BNC2: variants seen among roughly 807,000 people sequenced by gnomAD.
BNC2 encodes the protein zinc finger protein basonuclin-2.
A neutral mutation model predicts 76.3 loss-of-function variants in BNC2; 20 were observed. That is an observed-to-expected ratio of 0.26 (90% confidence interval 0.18 to 0.38). The LOEUF (loss-of-function observed/expected upper bound fraction) is 0.38, where lower values mean the gene tolerates loss of function less well. Among genes scored for constraint, BNC2 ranks in the 10% least tolerant of loss-of-function variants. The probability of loss-of-function intolerance (pLI) is 1.00; values close to 1 mark genes in which losing one functional copy is unlikely to be tolerated. For missense variants in BNC2, 1,382 were observed against 1,399.8 expected (o/e 0.99, Z 0.20); for synonymous variants, 582 against 514.8 (o/e 1.13, Z -1.77).
intron 5 of BNC2, among the ~76,000 whole-genome samples, chr9:16,535,840 T>C (rs1014358475): frequency 6.6e-6 from 1 of 152,146 alleles, no homozygotes; most frequent in African/African-American, 2.4e-5. Context: ...ACTTTAGAAG[T>C]GCCTGCACAC....
At chr9:16,543,051 G>C (rs938842502) in intron 5 of BNC2, among the ~76,000 whole-genome samples, 15 of 152,072 alleles carry the variant, frequency 9.9e-5, no homozygotes, top group Admixed American at 9.2e-4. Flanking sequence ...TCAAATTGGG[G>C]GAAATACTAG....
intron 5 of BNC2, among the ~76,000 whole-genome samples, chr9:16,469,307 G>A (rs188651943): frequency 5.9e-5 from 9 of 152,284 alleles, no homozygotes; most frequent in South Asian, 2.1e-4. Context: ...GGAAGGACCC[G>A]GGGGAGGTAA....
chr9:16,510,523 T>C (rs1170530663), intron 5 of BNC2, among the ~76,000 whole-genome samples: 5 of 152,348 alleles, frequency 3.3e-5, no homozygotes. Context: ...TCAGGGAAAT[T>C]CACCAAGTCC....
At chr9:16,594,545 G>A (rs993100157) in intron 3 of BNC2, among the ~76,000 whole-genome samples, 13 of 152,116 alleles carry the variant, frequency 8.5e-5, no homozygotes, top group African/African-American at 2.7e-4. Flanking sequence ...ATTTACCCCA[G>A]TAAAGCAACA....
intron 4 of BNC2, chr9:16,575,406 T>C (rs780340973): frequency 4.1e-6 from 4 of 985,104 alleles, no homozygotes; most frequent in Non-Finnish European, 4.8e-6. Context: ...GAATAAAACA[T>C]AGCTAGGAAA....
chr9:16,494,568 T>A (rs1017752276), intron 5 of BNC2, among the ~76,000 whole-genome samples: 1 of 151,870 alleles, frequency 6.6e-6, no homozygotes, highest in African/African-American at 2.4e-5. Context: ...TTGAGATGAG[T>A]TCTGAGTCAA....
chr9:16,578,240 T>G (rs1275158121), intron 4 of BNC2, among the ~76,000 whole-genome samples: 2 of 152,230 alleles, frequency 1.3e-5, no homozygotes, highest in African/African-American at 4.8e-5. Flanking sequence ...TCATTAAATA[T>G]TTCCTAAAAC....
chr9:16,419,395 G>T lies in BNC2; in HGVS notation c.2894C>A (p.Thr965Asn), dbSNP rs373606750. The T allele has an allele frequency of 1.2e-6, 2 of 1,601,714 alleles. No homozygotes were observed. The highest frequency in any genetic ancestry group is 1.3e-5 in the African/African-American group (1 of 74,676). Residue 965 changes from threonine (T) to asparagine (N), a missense_variant, in exon 7 of 7, where the codon ACC becomes AAC. Transcript: ENST00000380672. The part of the protein sequence containing the change: ...EDYMVLDLST[T>N]SSLQSSSSIH... Reference sequence around the variant, plus strand: ...ACTGCTGCTGGACTGGAGGCTGGAGGTGGTGCTCAAGTCAAGGACCATGTA... The same window carrying T: ...ACTGCTGCTGGACTGGAGGCTGGAGTTGGTGCTCAAGTCAAGGACCATGTA...
intron 4 of BNC2, among the ~76,000 whole-genome samples, chr9:16,571,628 G>T (rs781410337): frequency 1.7e-4 from 26 of 151,456 alleles, no homozygotes; most frequent in Non-Finnish European, 3.8e-4. Context: ...TTTCTTTGAG[G>T]CAATTGCGCA....
At chr9:16,561,318 C>T (rs1178140765) in intron 4 of BNC2, among the ~76,000 whole-genome samples, 1 of 151,896 alleles carries the variant, frequency 6.6e-6, no homozygotes, top group Non-Finnish European at 1.5e-5. Flanking sequence ...TCACATACCA[C>T]ACTGAAAATT....
chr9:16,797,414 T>A (rs547159817), intron 1 of BNC2, among the ~76,000 whole-genome samples: 4 of 152,254 alleles, frequency 2.6e-5, no homozygotes, highest in South Asian at 2.1e-4. Context: ...CCCCTCCCAA[T>A]CCATGGCAAA....
chr9:16,487,135 C>G (rs1398033927), intron 5 of BNC2, among the ~76,000 whole-genome samples: 32 of 152,156 alleles, frequency 2.1e-4, no homozygotes, highest in Admixed American at 2.1e-3. Context: ...TGCCTAAAGG[C>G]AAGACAGTAA....
chr9:16,690,410 G>A (rs1823122333), intron 3 of BNC2, among the ~76,000 whole-genome samples: 1 of 152,150 alleles, frequency 6.6e-6, no homozygotes, highest in Admixed American at 6.5e-5. Flanking sequence ...GGAGCCGTGA[G>A]TGTGCCACTG....
At chr9:16,463,488 G>C (rs1821633349) in intron 5 of BNC2, among the ~76,000 whole-genome samples, 1 of 143,014 alleles carries the variant, frequency 7.0e-6, no homozygotes, top group Non-Finnish European at 1.5e-5. Context: ...AGTAGAGACG[G>C]GGTTTCACCG....
At chr9:16,832,229 C>A in intron 1 of BNC2, 1 of 1,209,862 alleles carries the variant, frequency 8.3e-7, no homozygotes, top group South Asian at 1.3e-5. Flanking sequence ...GAAACTATTA[C>A]ATGTAGTTAA....
chr9:16,784,291 T>G (rs1826224190), intron 1 of BNC2, among the ~76,000 whole-genome samples: 2 of 152,182 alleles, frequency 1.3e-5, no homozygotes, highest in South Asian at 4.1e-4. Flanking sequence ...GTCTTTGCAG[T>G]AGTCTGGTGC....
chr9:16,424,248 T>C (rs1319507605), intron 6 of BNC2, among the ~76,000 whole-genome samples: 1 of 149,720 alleles, frequency 6.7e-6, no homozygotes, highest in Non-Finnish European at 1.5e-5. Context: ...CTTTAAGATA[T>C]CGGGGAGACA....
intron 1 of BNC2, among the ~76,000 whole-genome samples, chr9:16,786,529 C>A (rs1312259657): frequency 2.0e-5 from 3 of 152,160 alleles, no homozygotes; most frequent in African/African-American, 7.2e-5. Context: ...CTTTATCCCC[C>A]AAACTGTGGC....
intron 1 of BNC2, among the ~76,000 whole-genome samples, chr9:16,819,385 G>T (rs1009440397): frequency 1.3e-5 from 2 of 152,132 alleles, no homozygotes; most frequent in African/African-American, 2.4e-5. Flanking sequence ...AGTCCAGGCT[G>T]GGCACAATGG....
Sources: gnomAD v4.1 joint callset for allele counts (sites outside exome capture counted in the v4.1 genomes callset) on GRCh38, gnomAD v4.1.1 for gene constraint, MANE v1.5 for transcripts, NCBI Gene and HGNC (gene_info 2026-07-23, HGNC 2026-07-21) for gene names.